The following ULK4 variants were observed in gnomAD, a reference collection of about 807,000 sequenced individuals.
The protein encoded by ULK4 is inactive serine/threonine-protein kinase ULK4.
A neutral mutation model predicts 160.6 loss-of-function variants in ULK4; 133 were observed. The ratio of observed to expected loss-of-function variants is 0.83; its 90% CI spans 0.72 to 0.96. The LOEUF is 0.96. ULK4 is among the 40% of genes least tolerant of loss of function. The pLI is 0.00. For missense variants in ULK4, 1,580 were observed against 1,499.5 expected, an observed-to-expected ratio of 1.05 and a Z score of -0.89; for synonymous variants, 534 against 539.8, an observed-to-expected ratio of 0.99 and a Z score of 0.15.
chr3:41,339,368 T>C (rs2080634097), intron 35 of ULK4, among the ~76,000 whole-genome samples: 1 of 151,996 alleles, frequency 6.6e-6, no homozygotes. Context: ...CTGACTGGAG[T>C]GCCATGTGAA....
At chr3:41,952,885 G>A (rs1007498473) in intron 2 of ULK4, among the ~76,000 whole-genome samples, 12 of 152,120 alleles carry the variant, frequency 7.9e-5, no homozygotes, top group African/African-American at 2.9e-4. Context: ...TCTTAAAAAG[G>A]AGGAAATTCT....
intron 34 of ULK4, among the ~76,000 whole-genome samples, chr3:41,438,233 C>T (rs1275232826): frequency 2.6e-5 from 4 of 151,712 alleles, no homozygotes; most frequent in African/African-American, 7.3e-5. Context: ...TCTTTTTGTA[C>T]ATTTTATATA....
chr3:41,385,404 G>A lies in ULK4; in HGVS notation c.3678+12675C>T, dbSNP rs117150313. Among the ~76,000 whole-genome samples, 361 of 152,114 alleles carry A rather than the reference G, an allele frequency of 2.4e-3. 1 individual carries two copies. The highest frequency in any genetic ancestry group is 0.015 in the East Asian group (75 of 5,158). On this transcript the variant is annotated intron_variant, in intron 35 of 36. Transcript: ENST00000301831. ...ATTACAGGAAGGGAGTAGGGGAGCT[G>A]AATCTCTTGAGAAAAGAAATCAAAA... is the stretch of plus-strand genomic sequence containing the variant.
intron 27 of ULK4, among the ~76,000 whole-genome samples, chr3:41,701,009 A>G (rs1488708525): frequency 1.2e-4 from 19 of 152,024 alleles, no homozygotes; most frequent in Admixed American, 6.6e-5. Context: ...AAGACAGGGG[A>G]AAAAAAAGAA....
At chr3:41,649,575 G>A (rs1452778878) in intron 30 of ULK4, among the ~76,000 whole-genome samples, 1 of 152,202 alleles carries the variant, frequency 6.6e-6, no homozygotes, top group African/African-American at 2.4e-5. Context: ...CAACCCAGCT[G>A]GGGGTGTCCG....
At chr3:41,648,438 G>C (rs947154747) in intron 30 of ULK4, among the ~76,000 whole-genome samples, 4 of 152,030 alleles carry the variant, frequency 2.6e-5, no homozygotes, top group East Asian at 1.9e-4. Flanking sequence ...CAATAACAAG[G>C]CCTTAGGACA....
intron 30 of ULK4, among the ~76,000 whole-genome samples, chr3:41,659,301 A>T (rs1254307384): frequency 6.6e-6 from 1 of 152,164 alleles, no homozygotes; most frequent in Non-Finnish European, 1.5e-5. Flanking sequence ...TGACAGCAAA[A>T]ATACGGAACC....
At chr3:41,765,109 T>A (rs995248596) in intron 21 of ULK4, among the ~76,000 whole-genome samples, 7 of 152,138 alleles carry the variant, frequency 4.6e-5, no homozygotes, top group African/African-American at 1.7e-4. Flanking sequence ...CATGCACACG[T>A]TATGTTTATT....
intron 2 of ULK4, among the ~76,000 whole-genome samples, chr3:41,949,327 CACACACACAA>C (rs1433819404): frequency 1.3e-5 from 2 of 151,852 alleles, no homozygotes; most frequent in East Asian, 1.9e-4. Context: ...CACACACACA[CACACACACAA>C]AAAGTAAAGT....
chr3:41,625,005 C>T (rs773923483), intron 30 of ULK4, among the ~76,000 whole-genome samples: 113 of 152,130 alleles, frequency 7.4e-4, no homozygotes, highest in Non-Finnish European at 1.2e-3. Flanking sequence ...GACTTATGAA[C>T]TCACCTCAAA....
chr3:41,859,773 T>C, intron 17 of ULK4, among the ~76,000 whole-genome samples: 1 of 151,670 alleles, frequency 6.6e-6, no homozygotes. Context: ...TTCTCCTGCC[T>C]TGGCCTCCCC....
chr3:41,334,977 T>C (rs1010060673), intron 35 of ULK4, among the ~76,000 whole-genome samples: 18 of 152,094 alleles, frequency 1.2e-4, no homozygotes, highest in African/African-American at 4.3e-4. Flanking sequence ...GGGATGAGAA[T>C]TTAAGGCAGG....
chr3:41,683,020 AT>A (rs957934860), intron 27 of ULK4, among the ~76,000 whole-genome samples: 1 of 152,142 alleles, frequency 6.6e-6, no homozygotes, highest in African/African-American at 2.4e-5. Context: ...AATCAACAGT[AT>A]TTATGAGACA....
intron 22 of ULK4, among the ~76,000 whole-genome samples, chr3:41,733,409 G>C (rs534256615): frequency 6.2e-4 from 94 of 152,208 alleles, no homozygotes; most frequent in African/African-American, 2.2e-3. Context: ...TCAAGGAACT[G>C]ATGTTCAACA....
Position 41,831,531 on chromosome 3 carries a change from A to ATATATATATATATATTTTTTTTT in ULK4, c.1764+4332_1764+4333insAAAAAAAAATATATATATATATA. On this transcript the variant is annotated intron_variant, in intron 18 of 36. Coordinates refer to ENST00000301831, the MANE Select transcript of ULK4 (RefSeq NM_017886.4). ...TTATTGTTATTTTATATATATATATATTTTTTTTTCTTTCTTAAACTTTAG... is the reference window on the plus strand; with the variant it reads ...TTATTGTTATTTTATATATATATATATATATATATATATATTTTTTTTTTTTTTTTTTCTTTCTTAAACTTTAG... 1.4e-4 allele frequency among the ~76,000 whole-genome samples: 19 copies of ATATATATATATATATTTTTTTTT among 138,106 alleles called. No homozygotes were observed. In the East Asian group the frequency reaches 1.5e-3, roughly 11 times the overall value. The allele number at this position is 138,106 out of a possible 152,430, so 90.6% of individuals were successfully genotyped here.
chr3:41,470,712 C>T (rs895339839), intron 32 of ULK4, among the ~76,000 whole-genome samples: 3 of 152,124 alleles, frequency 2.0e-5, no homozygotes, highest in Middle Eastern at 6.8e-3. Context: ...ATATCAAAAA[C>T]ATAAAATGAA....
At chr3:41,748,784 A>C (rs2038509761) in intron 22 of ULK4, among the ~76,000 whole-genome samples, 1 of 152,204 alleles carries the variant, frequency 6.6e-6, no homozygotes, top group South Asian at 2.1e-4. Context: ...TTTCTTAGAC[A>C]AAAAGGTATT....
At chr3:41,303,330 G>A (rs2079836095) in intron 35 of ULK4, among the ~76,000 whole-genome samples, 1 of 152,116 alleles carries the variant, frequency 6.6e-6, no homozygotes, top group Non-Finnish European at 1.5e-5. Context: ...ACTCCAGGGA[G>A]GCTATTAACA....
At chr3:41,338,240 C>T (rs1454114310) in intron 35 of ULK4, among the ~76,000 whole-genome samples, 1 of 152,186 alleles carries the variant, frequency 6.6e-6, no homozygotes, top group Non-Finnish European at 1.5e-5. Flanking sequence ...TCCTGTTCCC[C>T]TCCTTGAAAC....
Sources: gnomAD v4.1 joint callset for allele counts (sites outside exome capture counted in the v4.1 genomes callset) on GRCh38, gnomAD v4.1.1 for gene constraint, MANE v1.5 for transcripts, NCBI Gene and HGNC (gene_info 2026-07-23, HGNC 2026-07-21) for gene names.